CNTNAP2: variants seen among roughly 807,000 people sequenced by gnomAD.
The protein encoded by CNTNAP2 is contactin associated protein 2, also known as contactin-associated protein-like 2.
CNTNAP2 carries 98 observed loss-of-function variants against 155.2 expected under a neutral mutation model. The observed-to-expected ratio is 0.63, with a 90% CI of 0.54 to 0.75. The LOEUF is 0.75. Among genes scored for constraint, CNTNAP2 ranks in the 30% least tolerant of loss-of-function variants. The probability of loss-of-function intolerance (pLI) is 0.00; values close to 1 mark genes in which losing one functional copy is unlikely to be tolerated. For synonymous variants in CNTNAP2, 651 were observed against 631.2 expected (o/e 1.03, Z -0.47); for missense variants, 1,727 against 1,688.1 (o/e 1.02, Z -0.40).
intron 3 of CNTNAP2, among the ~76,000 whole-genome samples, chr7:146,862,421 C>T (rs185411118): frequency 1.3e-4 from 20 of 151,640 alleles, no homozygotes; most frequent in Admixed American, 7.2e-4. Context: ...TCACTTCTTA[C>T]ACTTCCTTGT....
intron 21 of CNTNAP2, among the ~76,000 whole-genome samples, chr7:148,345,349 T>TA (rs1383521023): frequency 1.5e-5 from 2 of 131,284 alleles, no homozygotes; most frequent in African/African-American, 2.7e-5. Context: ...ATTCTATTTT[T>TA]ATTTGTTTGT....
chr7:146,430,844 A>G (rs1035004259), intron 1 of CNTNAP2, among the ~76,000 whole-genome samples: 1 of 152,050 alleles, frequency 6.6e-6, no homozygotes, highest in African/African-American at 2.4e-5. Context: ...GCTTCATATG[A>G]TCAAGAACCT....
At chr7:147,402,690 A>G (rs1796937449) in intron 10 of CNTNAP2, among the ~76,000 whole-genome samples, 1 of 152,194 alleles carries the variant, frequency 6.6e-6, no homozygotes, top group Admixed American at 6.5e-5. Flanking sequence ...AGCTGAAATA[A>G]ATCATGGCAT....
intron 2 of CNTNAP2, among the ~76,000 whole-genome samples, chr7:146,838,022 A>G (rs1803650830): frequency 6.6e-6 from 1 of 152,178 alleles, no homozygotes; most frequent in Admixed American, 6.5e-5. Flanking sequence ...AGACACATTC[A>G]TGACTCCCTT....
chr7:146,883,754 A>G (rs1473436231), intron 3 of CNTNAP2, among the ~76,000 whole-genome samples: 1 of 152,190 alleles, frequency 6.6e-6, no homozygotes, highest in East Asian at 1.9e-4. Flanking sequence ...TAAACAATTG[A>G]TCAAAACACT....
intron 13 of CNTNAP2, among the ~76,000 whole-genome samples, chr7:147,698,245 A>G (rs781470716): frequency 2.8e-4 from 43 of 152,174 alleles, no homozygotes; most frequent in Non-Finnish European, 4.9e-4. Flanking sequence ...ATCTCCTTAC[A>G]TGCCAGATCA....
intron 15 of CNTNAP2, among the ~76,000 whole-genome samples, chr7:148,057,915 G>C (rs1803051116): frequency 6.6e-6 from 1 of 150,832 alleles, no homozygotes; most frequent in African/African-American, 2.4e-5. Context: ...TAGGAACAAA[G>C]AGAAAGGCAG....
chr7:147,370,119 T>C (rs1005017688), intron 9 of CNTNAP2, among the ~76,000 whole-genome samples: 1 of 150,334 alleles, frequency 6.7e-6, no homozygotes, highest in Non-Finnish European at 1.5e-5. Context: ...CACTCACTTA[T>C]ATGTGCATAC....
At chr7:147,289,199 G>T (rs2116742765) in intron 8 of CNTNAP2, among the ~76,000 whole-genome samples, 1 of 152,210 alleles carries the variant, frequency 6.6e-6, no homozygotes, top group East Asian at 1.9e-4. Flanking sequence ...ACAGAGGATT[G>T]ATATTGTCAT....
chr7:146,867,314 C>T lies in CNTNAP2; in HGVS notation c.402+27410C>T, dbSNP rs554498139. Among the ~76,000 whole-genome samples, 9 of 152,112 alleles carry T rather than the reference C, an allele frequency of 5.9e-5. No homozygotes were observed. The South Asian group carries it at 1.9e-3, about 32-fold the overall frequency. On this transcript the variant is annotated intron_variant, in intron 3 of 23. Coordinates refer to ENST00000361727, the MANE Select transcript of CNTNAP2 (RefSeq NM_014141.6). ...GTGTTAGTTTGCTAAGGATGATGAC[C>T]TCCACCTAGTCCATGTTCCTGCAAA... is the stretch of plus-strand genomic sequence containing the variant.
intron 15 of CNTNAP2, among the ~76,000 whole-genome samples, chr7:148,048,761 T>A (rs1802824535): frequency 6.6e-6 from 1 of 152,196 alleles, no homozygotes; most frequent in Non-Finnish European, 1.5e-5. Flanking sequence ...GGCCAATGGC[T>A]GGAGCTGGTG....
At chr7:146,996,064 A>C (rs1798303702) in intron 3 of CNTNAP2, among the ~76,000 whole-genome samples, 1 of 151,724 alleles carries the variant, frequency 6.6e-6, no homozygotes, top group African/African-American at 2.4e-5. Flanking sequence ...GTCTTGTTCC[A>C]TTTTTAATTG....
chr7:146,825,772 T>C (rs1178179993), intron 2 of CNTNAP2, among the ~76,000 whole-genome samples: 1 of 152,154 alleles, frequency 6.6e-6, no homozygotes, highest in Non-Finnish European at 1.5e-5. Context: ...TCATGTGTGG[T>C]CGACCTAGCT....
At chr7:148,054,297 A>G (rs1256190469) in intron 15 of CNTNAP2, among the ~76,000 whole-genome samples, 2 of 151,940 alleles carry the variant, frequency 1.3e-5, no homozygotes, top group Non-Finnish European at 2.9e-5. Context: ...TAGCTCTGGG[A>G]TTGTGGACAA....
At chr7:146,125,878 CAATG>C (rs1797628961) in intron 1 of CNTNAP2, among the ~76,000 whole-genome samples, 1 of 152,160 alleles carries the variant, frequency 6.6e-6, no homozygotes, top group Non-Finnish European at 1.5e-5. Context: ...CAGCATCAAT[CAATG>C]AGTGTCCTTT....
At chr7:148,369,681 C>A (rs1016087245) in intron 21 of CNTNAP2, among the ~76,000 whole-genome samples, 1 of 92,658 alleles carries the variant, frequency 1.1e-5, no homozygotes, top group Non-Finnish European at 2.5e-5. Flanking sequence ...ATTATTATTA[C>A]TATTACTGCT....
At chr7:146,253,982 A>C (rs1438741814) in intron 1 of CNTNAP2, among the ~76,000 whole-genome samples, 1 of 152,094 alleles carries the variant, frequency 6.6e-6, no homozygotes, top group Non-Finnish European at 1.5e-5. Flanking sequence ...GGATTTCTTG[A>C]GCCCAGGAAG....
At chr7:147,687,273 G>A (rs1796028110) in intron 13 of CNTNAP2, among the ~76,000 whole-genome samples, 2 of 152,210 alleles carry the variant, frequency 1.3e-5, no homozygotes, top group South Asian at 4.1e-4. Context: ...AGTAATGATG[G>A]AATATAGTAT....
chr7:146,597,560 C>T (rs1333848019), intron 1 of CNTNAP2, among the ~76,000 whole-genome samples: 1 of 151,898 alleles, frequency 6.6e-6, no homozygotes, highest in Non-Finnish European at 1.5e-5. Context: ...TTACATAATA[C>T]TCATGCACTG....
Sources: allele counts gnomAD v4.1 joint callset (sites outside exome capture counted in the v4.1 genomes callset), GRCh38; gene constraint gnomAD v4.1.1; transcripts MANE v1.5; gene names NCBI Gene and HGNC (gene_info 2026-07-23, HGNC 2026-07-21).